CDC14B: variants seen among roughly 807,000 people sequenced by gnomAD.
CDC14B encodes cell division cycle 14B, also known as dual specificity protein phosphatase CDC14B.
In CDC14B, 22 loss-of-function variants were observed where a neutral mutation model predicts 64.2. The observed-to-expected ratio is 0.34, with a 90% CI of 0.24 to 0.49. CDC14B has a LOEUF of 0.49. Among genes scored for constraint, CDC14B ranks in the 20% least tolerant of loss-of-function variants. The probability of loss-of-function intolerance (pLI) is 0.99; values close to 1 mark genes in which losing one functional copy is unlikely to be tolerated. For missense variants in CDC14B, 498 were observed against 629.9 expected, an observed-to-expected ratio of 0.79 and a Z score of 2.24; for synonymous variants, 191 against 215.8, an observed-to-expected ratio of 0.89 and a Z score of 1.01.
chr9:96,498,257 C>G (rs369256434), downstream of CDC14B, among the ~76,000 whole-genome samples: 1 of 152,186 alleles, frequency 6.6e-6, no homozygotes, highest in East Asian at 1.9e-4. Context: ...TAAGGCACAG[C>G]CACGTACTTC....
At chr9:96,566,236 T>C (rs2132337593) in intron 1 of CDC14B, among the ~76,000 whole-genome samples, 1 of 152,220 alleles carries the variant, frequency 6.6e-6, no homozygotes, top group African/African-American at 2.4e-5. Context: ...CAATATCTAA[T>C]AGTAATACTA....
At chr9:96,585,003 A>G (rs879830423) in intron 1 of CDC14B, among the ~76,000 whole-genome samples, 1 of 152,216 alleles carries the variant, frequency 6.6e-6, no homozygotes, top group Non-Finnish European at 1.5e-5. Context: ...CCTTATCGGA[A>G]GCAAAATTAT....
intron 1 of CDC14B, among the ~76,000 whole-genome samples, chr9:96,615,838 A>G (rs976272055): frequency 2.0e-5 from 3 of 152,224 alleles, no homozygotes. Context: ...AGGAATGGAT[A>G]AAGTCCATAT....
At chr9:96,522,640 G>C in intron 11 of CDC14B, 37 bp from the exon 12 acceptor site, 1 of 1,359,186 alleles carries the variant, frequency 7.4e-7, no homozygotes, top group Non-Finnish European at 1.1e-6. Context: ...AATGATTTAA[G>C]TTGCACTTAT....
chr9:96,532,440 A>T (rs1191792401), intron 9 of CDC14B, among the ~76,000 whole-genome samples: 2 of 152,188 alleles, frequency 1.3e-5, no homozygotes, highest in Non-Finnish European at 1.5e-5. Flanking sequence ...CTTGATTATA[A>T]TGCATGTTCA....
intron 4 of CDC14B, among the ~76,000 whole-genome samples, chr9:96,557,101 G>A (rs544914251): frequency 4.5e-4 from 69 of 152,342 alleles, no homozygotes; most frequent in African/African-American, 1.6e-3. Flanking sequence ...CACCCAGCAA[G>A]CACCACGGGC....
At chr9:96,571,207 C>T (rs1190272436) in intron 1 of CDC14B, among the ~76,000 whole-genome samples, 10 of 149,550 alleles carry the variant, frequency 6.7e-5, no homozygotes, top group African/African-American at 1.2e-4. Flanking sequence ...GACGGAGTCT[C>T]GCTCTGTTGT....
intron 13 of CDC14B, among the ~76,000 whole-genome samples, chr9:96,505,334 T>C (rs894785509): frequency 1.3e-5 from 2 of 152,128 alleles, no homozygotes; most frequent in Non-Finnish European, 2.9e-5. Flanking sequence ...TTCCTAGTGA[T>C]ACAACTCAGA....
intron 1 of CDC14B, among the ~76,000 whole-genome samples, chr9:96,567,599 C>A (rs73654900): frequency 0.047 from 7,214 of 152,244 alleles, 576 homozygotes; most frequent in African/African-American, 0.16. Context: ...GGTTTAAAAA[C>A]AAAAATGTTG....
At chr9:96,506,431 T>C (rs181368476) in intron 13 of CDC14B, among the ~76,000 whole-genome samples, 2 of 152,302 alleles carry the variant, frequency 1.3e-5, no homozygotes, top group East Asian at 3.9e-4. Flanking sequence ...TGCCTTTCTT[T>C]TGTAAGCTGT....
intron 4 of CDC14B, among the ~76,000 whole-genome samples, chr9:96,560,093 C>G (rs554679817): frequency 7.4e-6 from 1 of 135,342 alleles, no homozygotes; most frequent in East Asian, 1.9e-4. Context: ...TAAGACAACC[C>G]TGACTGAGTT....
chr9:96,570,680 G>A (rs1052737452), intron 1 of CDC14B, among the ~76,000 whole-genome samples: 13 of 152,152 alleles, frequency 8.5e-5, no homozygotes, highest in African/African-American at 2.9e-4. Context: ...ACAAAGAAGC[G>A]GCAGCAGCAT....
intron 1 of CDC14B, among the ~76,000 whole-genome samples, chr9:96,573,002 T>C (rs571865096): frequency 6.6e-6 from 1 of 150,814 alleles, no homozygotes; most frequent in Non-Finnish European, 1.5e-5. Context: ...TGCAGATGAC[T>C]GTCTACTAAA....
At chr9:96,568,219 T>C (rs1388461579) in intron 1 of CDC14B, among the ~76,000 whole-genome samples, 1 of 152,200 alleles carries the variant, frequency 6.6e-6, no homozygotes. Flanking sequence ...CAAAGACTTT[T>C]TAAAATACAT....
At chr9:96,588,790 A>T (rs1158673119) in intron 1 of CDC14B, among the ~76,000 whole-genome samples, 1 of 152,184 alleles carries the variant, frequency 6.6e-6, no homozygotes, top group African/African-American at 2.4e-5. Context: ...GTAGTTTTTA[A>T]AACACTACCT....
intron 12 of CDC14B, among the ~76,000 whole-genome samples, chr9:96,521,657 G>A (rs1836736062): frequency 6.6e-6 from 1 of 152,128 alleles, no homozygotes; most frequent in African/African-American, 2.4e-5. Flanking sequence ...CCTGTTCTCT[G>A]CCAATATAAA....
At chr9:96,576,406 G>A (rs1844804738) in intron 1 of CDC14B, among the ~76,000 whole-genome samples, 2 of 152,028 alleles carry the variant, frequency 1.3e-5, no homozygotes, top group African/African-American at 4.8e-5. Context: ...TGAGGCAGGT[G>A]GATCACTTGA....
At chr9:96,504,774 G>A (rs770965012) in intron 13 of CDC14B, among the ~76,000 whole-genome samples, 21 of 152,178 alleles carry the variant, frequency 1.4e-4, no homozygotes, top group Non-Finnish European at 2.6e-4. Flanking sequence ...AGAGGCAGTG[G>A]CAGGTGTGAC....
intron 1 of CDC14B, among the ~76,000 whole-genome samples, chr9:96,597,953 T>A (rs1215150923): frequency 6.6e-6 from 1 of 152,220 alleles, no homozygotes; most frequent in Non-Finnish European, 1.5e-5. Context: ...AACTCCTTAA[T>A]AAATTTCTTG....
Sources: allele counts gnomAD v4.1 joint callset (sites outside exome capture counted in the v4.1 genomes callset), GRCh38; gene constraint gnomAD v4.1.1; transcripts MANE v1.5; gene names NCBI Gene and HGNC (gene_info 2026-07-23, HGNC 2026-07-21).